UTS2: variants seen among roughly 807,000 people sequenced by gnomAD.
UTS2 encodes the protein urotensin-2.
In UTS2, 10 loss-of-function variants were observed where a neutral mutation model predicts 12.6. The ratio of observed to expected loss-of-function variants is 0.80; its 90% confidence interval spans 0.49 to 1.35. The LOEUF (loss-of-function observed/expected upper bound fraction) is 1.35. Ranked by LOEUF, UTS2 falls within the 40% of genes most tolerant of loss-of-function variation. The pLI is 0.00. For missense variants in UTS2, 142 were observed against 143.2 expected (o/e 0.99, Z 0.04); for synonymous variants, 52 against 50.0 (o/e 1.04, Z -0.17).
chr1:7,873,920 A>AT, the UTS2 span, among the ~76,000 whole-genome samples: 7 of 149,560 alleles, frequency 4.7e-5, no homozygotes, highest in Non-Finnish European at 7.4e-5. Flanking sequence ...TCATTGTCTT[A>AT]TTTTTTTTTT....
At chr1:7,851,040 G>A (rs1297750231) in intron 1 of UTS2, 118 bp from the exon 2 acceptor site, 2 of 876,018 alleles carry the variant, frequency 2.3e-6, no homozygotes, top group East Asian at 2.6e-5. Context: ...AACTTCCAAC[G>A]CTGAGTTCAT....
chr1:7,895,337 C>T, the UTS2 span, among the ~76,000 whole-genome samples: 22 of 151,938 alleles, frequency 1.4e-4, no homozygotes, highest in South Asian at 6.2e-4. Context: ...CCACTGCACT[C>T]CAGCCTGGGT....
At chr1:7,876,044 T>C in the UTS2 span, among the ~76,000 whole-genome samples, 2 of 152,148 alleles carry the variant, frequency 1.3e-5, no homozygotes, top group Admixed American at 1.3e-4. Context: ...TGCCTGTGCA[T>C]ACCATTTGAT....
At chr1:7,877,715 A>G in the UTS2 span, among the ~76,000 whole-genome samples, 1 of 152,146 alleles carries the variant, frequency 6.6e-6, no homozygotes, top group Non-Finnish European at 1.5e-5. Flanking sequence ...TCTACTAAAA[A>G]TACAAAAATT....
At chr1:7,909,096 G>A in the UTS2 span, among the ~76,000 whole-genome samples, 4 of 151,980 alleles carry the variant, frequency 2.6e-5, no homozygotes, top group Non-Finnish European at 4.4e-5. Context: ...TGGCCTCAAA[G>A]GCTTATCTTA....
chr1:7,907,347 T>G, the UTS2 span, among the ~76,000 whole-genome samples: 2 of 149,884 alleles, frequency 1.3e-5, no homozygotes, highest in Non-Finnish European at 3.0e-5. Flanking sequence ...TGTCCTTAGG[T>G]GTCAAGAAAT....
intron 3 of UTS2, among the ~76,000 whole-genome samples, chr1:7,849,184 A>C (rs1007941805): frequency 6.6e-6 from 1 of 152,132 alleles, no homozygotes; most frequent in Non-Finnish European, 1.5e-5. Flanking sequence ...AATTTGGAAA[A>C]ATTAATGCTT....
chr1:7,890,717 C>G, the UTS2 span, among the ~76,000 whole-genome samples: 1 of 133,726 alleles, frequency 7.5e-6, no homozygotes, highest in African/African-American at 2.9e-5. Context: ...CAGAGTGAGA[C>G]CCCATCTCCA....
At chr1:7,893,290 C>G in the UTS2 span, among the ~76,000 whole-genome samples, 1 of 152,016 alleles carries the variant, frequency 6.6e-6, no homozygotes, top group Admixed American at 6.6e-5. Context: ...ATCACTTGAG[C>G]CAGGAGTTTG....
chr1:7,875,133 G>A, the UTS2 span, among the ~76,000 whole-genome samples: 3 of 150,778 alleles, frequency 2.0e-5, no homozygotes, highest in African/African-American at 7.3e-5. Flanking sequence ...GGAGTGCAGT[G>A]GCGCGATCTA....
At chr1:7,853,316 T>C, upstream of UTS2, 1 of 1,614,046 alleles carries the variant, frequency 6.2e-7, no homozygotes. Flanking sequence ...CAGCAATAAA[T>C]CATGAATTAA....
At chr1:7,848,110 A>G (rs1376065626) in intron 3 of UTS2, among the ~76,000 whole-genome samples, 1 of 152,002 alleles carries the variant, frequency 6.6e-6, no homozygotes, top group Non-Finnish European at 1.5e-5. Flanking sequence ...CAGCCCAGCG[A>G]TTGTCCTGAA....
chr1:7,891,498 C>G, the UTS2 span, among the ~76,000 whole-genome samples: 1 of 146,564 alleles, frequency 6.8e-6, no homozygotes, highest in South Asian at 2.1e-4. Context: ...TGAACTCCAG[C>G]CTGGGTGACA....
At chr1:7,865,050 C>A in the UTS2 span, among the ~76,000 whole-genome samples, 1 of 45,478 alleles carries the variant, frequency 2.2e-5, no homozygotes, top group African/African-American at 5.4e-5. Context: ...CTGTCCGATA[C>A]CATCATCCCC....
chr1:7,866,482 A>G, the UTS2 span, among the ~76,000 whole-genome samples: 102,542 of 151,956 alleles, frequency 0.67, 35,427 homozygotes, highest in South Asian at 0.86. This position sits in a 1 kb window ranked among gnomAD's most constrained non-coding sequence, Gnocchi z 4.5. Context: ...TCATAATCTA[A>G]TTTCATGCCA....
At chr1:7,849,599 G>A (rs1425984643) in intron 3 of UTS2, 41 bp downstream of exon 3, 1 of 1,539,718 alleles carries the variant, frequency 6.5e-7, no homozygotes, top group Non-Finnish European at 8.9e-7. Context: ...AGTACAGAAT[G>A]TTCACCTTTT....
the UTS2 span, among the ~76,000 whole-genome samples, chr1:7,869,674 G>A: frequency 3.9e-5 from 6 of 152,200 alleles, no homozygotes; most frequent in South Asian, 4.1e-4. Context: ...GCGATGTTCC[G>A]GGTCTGGATT....
chr1:7,882,121 G>C, the UTS2 span, among the ~76,000 whole-genome samples: 2 of 152,108 alleles, frequency 1.3e-5, no homozygotes, highest in Non-Finnish European at 2.9e-5. Flanking sequence ...TATTGCTTGG[G>C]CCCTGGAGAT....
chr1:7,872,502 G>T, the UTS2 span, among the ~76,000 whole-genome samples: 1 of 152,074 alleles, frequency 6.6e-6, no homozygotes, highest in Non-Finnish European at 1.5e-5. Flanking sequence ...AAGCAAAACA[G>T]CCTTCTTGCT....
Sources: allele counts gnomAD v4.1 joint callset (sites outside exome capture counted in the v4.1 genomes callset), GRCh38; gene constraint gnomAD v4.1.1; non-coding constraint Gnocchi (gnomAD v3.1); transcripts MANE v1.5; gene names NCBI Gene and HGNC (gene_info 2026-07-23, HGNC 2026-07-21).